CTDSPL: variants seen among roughly 807,000 people sequenced by gnomAD.
CTDSPL encodes the protein CTD small phosphatase-like protein.
In CTDSPL, 8 loss-of-function variants were observed where a neutral mutation model predicts 30.5. The observed-to-expected ratio is 0.26, with a 90% CI of 0.15 to 0.47. The LOEUF (loss-of-function observed/expected upper bound fraction) is 0.47, where lower values mean the gene tolerates loss of function less well. CTDSPL is among the 20% of genes least tolerant of loss of function. The probability of loss-of-function intolerance (pLI) is 0.99; values close to 1 mark genes in which losing one functional copy is unlikely to be tolerated. For synonymous variants in CTDSPL, 110 were observed against 137.9 expected, an observed-to-expected ratio of 0.80 and a Z score of 1.42; for missense variants, 248 against 366.1, an observed-to-expected ratio of 0.68 and a Z score of 2.63.
intron 1 of CTDSPL, among the ~76,000 whole-genome samples, chr3:37,872,524 C>G (rs1698084699): frequency 1.0e-5 from 1 of 98,094 alleles, no homozygotes; most frequent in Non-Finnish European, 2.0e-5. Context: ...GATGTCAAGT[C>G]TTCCTACTTA....
intron 1 of CTDSPL, among the ~76,000 whole-genome samples, chr3:37,915,858 G>A (rs1698639417): frequency 6.6e-6 from 1 of 152,100 alleles, no homozygotes; most frequent in African/African-American, 2.4e-5. Context: ...GACATAATAG[G>A]TGAAAACTTC....
At chr3:37,916,087 A>G (rs1358240675) in intron 1 of CTDSPL, among the ~76,000 whole-genome samples, 1 of 152,140 alleles carries the variant, frequency 6.6e-6, no homozygotes, top group Non-Finnish European at 1.5e-5. Context: ...CACCTCACTC[A>G]CAAGCTGTCC....
At chr3:37,880,274 G>A (rs1490635902) in intron 1 of CTDSPL, among the ~76,000 whole-genome samples, 2 of 152,092 alleles carry the variant, frequency 1.3e-5, no homozygotes, top group Admixed American at 6.5e-5. Context: ...CTAACAAATA[G>A]TAGCGCCAGG....
intron 1 of CTDSPL, among the ~76,000 whole-genome samples, chr3:37,934,404 T>G (rs1698891439): frequency 6.6e-6 from 1 of 152,180 alleles, no homozygotes. Context: ...TACATTTTAT[T>G]AAGTAGAAAC....
chr3:37,973,529 C>T (rs1300499768), intron 6 of CTDSPL, among the ~76,000 whole-genome samples: 2 of 152,236 alleles, frequency 1.3e-5, no homozygotes, highest in Non-Finnish European at 2.9e-5. Context: ...CAGCCTTCCA[C>T]CCTCTTTCCT....
intron 1 of CTDSPL, among the ~76,000 whole-genome samples, chr3:37,912,484 G>A (rs7628615): frequency 1.3e-3 from 200 of 152,314 alleles, no homozygotes; most frequent in African/African-American, 4.6e-3. Context: ...ATGACCACAC[G>A]AGGCTGAGGC....
At chr3:37,871,266 C>T (rs1698068677) in intron 1 of CTDSPL, among the ~76,000 whole-genome samples, 6 of 152,156 alleles carry the variant, frequency 3.9e-5, no homozygotes, top group Admixed American at 3.9e-4. Flanking sequence ...TTCATTTCCT[C>T]CATGTCTTTT....
intron 6 of CTDSPL, among the ~76,000 whole-genome samples, chr3:37,974,454 C>T (rs74400443): frequency 1.3e-5 from 2 of 152,258 alleles, no homozygotes; most frequent in African/African-American, 4.8e-5. Flanking sequence ...GGCAGAGTCA[C>T]TGGGTCCCGC....
rs2125638100 is a variant in CTDSPL, at chr3:37,982,454, G to GTCC, written c.*1590_*1592dup. On this transcript the variant is annotated 3_prime_UTR_variant, in exon 8 of 8. Coordinates refer to ENST00000273179, the MANE Select transcript of CTDSPL (RefSeq NM_001008392.2). Reference sequence around the variant, plus strand: ...CTTTCATATTGGCACCATTGCCTTAGTCCTCTGTGGGTTGGTCTTCAGCCA... The same window carrying GTCC: ...CTTTCATATTGGCACCATTGCCTTAGTCCTCCTCTGTGGGTTGGTCTTCAGCCA... 2.2e-6 allele frequency: 1 copy of GTCC among 445,044 alleles called. No homozygotes were observed. Among genetic ancestry groups the GTCC allele is most frequent in the African/African-American group, 2.0e-5 (1 of 49,924 alleles). The allele number at this position is 445,044 out of a possible 1,614,324, so 27.6% of individuals were successfully genotyped here.
chr3:37,953,135 C>T (rs1387298461), intron 2 of CTDSPL, among the ~76,000 whole-genome samples: 1 of 152,138 alleles, frequency 6.6e-6, no homozygotes, highest in African/African-American at 2.4e-5. Flanking sequence ...TTTTATCTTA[C>T]TAATCCTTCA....
intron 1 of CTDSPL, among the ~76,000 whole-genome samples, chr3:37,883,829 T>G (rs1698234691): frequency 6.6e-6 from 1 of 152,248 alleles, no homozygotes; most frequent in Admixed American, 6.5e-5. Flanking sequence ...TTCTTCTTCC[T>G]AGATATTTGC....
chr3:37,882,238 C>T (rs1012497545), intron 1 of CTDSPL, among the ~76,000 whole-genome samples: 2 of 151,828 alleles, frequency 1.3e-5, no homozygotes, highest in African/African-American at 2.4e-5. Flanking sequence ...GTTAGGAGAT[C>T]GAGACCATCC....
At chr3:37,979,527 AG>A (rs1699466018) in intron 7 of CTDSPL, among the ~76,000 whole-genome samples, 1 of 152,140 alleles carries the variant, frequency 6.6e-6, no homozygotes, top group Admixed American at 6.5e-5. Context: ...CAGGAGTTGG[AG>A]GTTGCAGTGA....
chr3:37,903,290 G>T (rs575103152), intron 1 of CTDSPL, among the ~76,000 whole-genome samples: 8 of 152,290 alleles, frequency 5.3e-5, no homozygotes, highest in African/African-American at 1.9e-4. Flanking sequence ...CTAGTAAGAG[G>T]TGAAGGACAG....
chr3:37,966,137 C>T (rs1699296373), intron 4 of CTDSPL, among the ~76,000 whole-genome samples: 1 of 152,214 alleles, frequency 6.6e-6, no homozygotes, highest in African/African-American at 2.4e-5. Flanking sequence ...ACTGAGGATT[C>T]CTGGCTCCAA....
chr3:37,885,018 C>T (rs1698248180), intron 1 of CTDSPL, among the ~76,000 whole-genome samples: 1 of 152,018 alleles, frequency 6.6e-6, no homozygotes, highest in Admixed American at 6.5e-5. Flanking sequence ...TTAGGGAGCC[C>T]AACAGAGCAT....
At chr3:37,973,146 A>G (rs1358334907) in intron 6 of CTDSPL, among the ~76,000 whole-genome samples, 3 of 152,198 alleles carry the variant, frequency 2.0e-5, no homozygotes, top group Non-Finnish European at 2.9e-5. Context: ...TTATTTTTGC[A>G]TTTCAAAAAG....
At chr3:37,946,746 A>C (rs1699043371) in intron 1 of CTDSPL, among the ~76,000 whole-genome samples, 1 of 152,142 alleles carries the variant, frequency 6.6e-6, no homozygotes, top group Admixed American at 6.5e-5. Flanking sequence ...AGGTTCAGGA[A>C]TGCAGATGGG....
chr3:37,957,556 T>C (rs887795073), intron 3 of CTDSPL, among the ~76,000 whole-genome samples: 7 of 152,106 alleles, frequency 4.6e-5, no homozygotes, highest in African/African-American at 1.7e-4. Context: ...GGAACTGGGC[T>C]CACCAAGCCC....
Sources: gnomAD v4.1 joint callset for allele counts (sites outside exome capture counted in the v4.1 genomes callset) on GRCh38, gnomAD v4.1.1 for gene constraint, MANE v1.5 for transcripts, NCBI Gene and HGNC (gene_info 2026-07-23, HGNC 2026-07-21) for gene names.